The following HAGH variants were observed in gnomAD, a reference collection of about 807,000 sequenced individuals.
The protein encoded by HAGH is hydroxyacylglutathione hydrolase, mitochondrial.
HAGH carries 29 observed loss-of-function variants against 35.1 expected under a neutral mutation model. The observed-to-expected ratio is 0.83, with a 90% CI of 0.62 to 1.13. HAGH has a LOEUF of 1.13. HAGH is among the 50% of genes most tolerant of loss of function. HAGH has a pLI of 0.00. For synonymous variants in HAGH, 225 were observed against 176.1 expected, an observed-to-expected ratio of 1.28 and a Z score of -2.20; for missense variants, 478 against 419.6, an observed-to-expected ratio of 1.14 and a Z score of -1.22.
At chr16:1,824,307 G>A (rs936752391) in intron 1 of HAGH, among the ~76,000 whole-genome samples, 2 of 143,088 alleles carry the variant, frequency 1.4e-5, no homozygotes, top group Non-Finnish European at 1.5e-5. Flanking sequence ...CCTTTGAGAC[G>A]GAAAGTTGGC....
intron 5 of HAGH, 124 bp from the exon 6 acceptor site, chr16:1,817,395 G>A (rs374160060): frequency 3.8e-5 from 26 of 689,594 alleles, no homozygotes; most frequent in Non-Finnish European, 5.0e-5. Context: ...GCTGCCCTCC[G>A]GCCACGGCTG....
At chr16:1,810,245 G>A (rs1370954734) in intron 7 of HAGH, 8 of 178,408 alleles carry the variant, frequency 4.5e-5, no homozygotes, top group East Asian at 3.3e-4. Flanking sequence ...AGAGCCCGGC[G>A]GGTGTGCGCG....
intron 4 of HAGH, 56 bp from the exon 5 acceptor site, chr16:1,819,279 C>G (rs550518212): frequency 1.2e-4 from 143 of 1,158,202 alleles, no homozygotes; most frequent in Non-Finnish European, 1.6e-4. Context: ...AGCCATCTCC[C>G]GGGGTCACGG....
Position 1,817,007 on chromosome 16 carries a change from G to T in HAGH, c.646-13C>A. 1 of 1,576,712 alleles carries T rather than the reference G, an allele frequency of 6.3e-7. No individual in the cohort carries two copies. The highest frequency in any genetic ancestry group is 1.1e-5 in the South Asian group (1 of 90,360). ...CACAGTAGACTCTCTGAGGAGAGAG[G>T]TGACAGGTGAGCTCGGAAGGCTGTT... On this transcript the variant is annotated splice_polypyrimidine_tract_variant and intron_variant, in intron 6 of 8. Coordinates refer to ENST00000397356, the MANE Select transcript of HAGH (RefSeq NM_005326.6).
chr16:1,810,931 T>C (rs1342833927), intron 7 of HAGH: 1 of 152,224 alleles, frequency 6.6e-6, no homozygotes, highest in Non-Finnish European at 1.5e-5. Flanking sequence ...TTCCCTGTGT[T>C]CCCACCAACA....
At position 1,808,425 on chromosome 16, in the gene HAGH, C is replaced by G. The variant is rs1270005388; in HGVS notation, c.*858G>C. The G allele has an allele frequency of 1.3e-5, 2 of 151,978 alleles. No homozygotes were observed. The highest frequency in any genetic ancestry group is 4.8e-5 in the African/African-American group (2 of 41,350). 9.4% of individuals were successfully genotyped at this position (151,978 alleles called of 1,614,324 possible). On this transcript the variant is annotated 3_prime_UTR_variant, in exon 9 of 9. Coordinates refer to ENST00000397356, the MANE Select transcript of HAGH (RefSeq NM_005326.6). ...ACACCATTCTCCTGCCTTAGCCTCCCGAGTAGCCGGGACTACAGGTGTCTG... is the reference window on the plus strand; with the variant it reads ...ACACCATTCTCCTGCCTTAGCCTCCGGAGTAGCCGGGACTACAGGTGTCTG...
intron 1 of HAGH, among the ~76,000 whole-genome samples, chr16:1,824,409 A>C (rs1898301933): frequency 6.6e-6 from 1 of 152,226 alleles, no homozygotes; most frequent in Admixed American, 6.5e-5. Flanking sequence ...AAGGCCCAAG[A>C]GCTGGGAGGA....
chr16:1,824,146 C>T (rs1027161023), intron 1 of HAGH, among the ~76,000 whole-genome samples: 16 of 151,386 alleles, frequency 1.1e-4, no homozygotes, highest in African/African-American at 3.6e-4. Context: ...TGCTTGAATC[C>T]GGGAGGTGAA....
At chr16:1,809,684 C>T (rs974954792) in intron 8 of HAGH, 70 bp downstream of exon 8, 10 of 1,123,166 alleles carry the variant, frequency 8.9e-6, no homozygotes, top group Non-Finnish European at 1.2e-5. Flanking sequence ...TCGGACGTAC[C>T]GGCTGTGTGT....
chr16:1,809,583 A>G, intron 8 of HAGH, 171 bp downstream of exon 8: 1 of 679,670 alleles, frequency 1.5e-6, no homozygotes, highest in Non-Finnish European at 2.6e-6. Context: ...CCAAGGTGCC[A>G]GGAAAGGCCG....
At chr16:1,824,017 C>T (rs918645605) in intron 1 of HAGH, among the ~76,000 whole-genome samples, 10 of 152,128 alleles carry the variant, frequency 6.6e-5, no homozygotes, top group African/African-American at 2.4e-4. Flanking sequence ...GCCATCTGCC[C>T]TCCAGCAAGC....
chr16:1,826,983 G>C, upstream of HAGH: 1 of 635,732 alleles, frequency 1.6e-6, no homozygotes, highest in Non-Finnish European at 2.5e-6. Flanking sequence ...CCGGGAGACG[G>C]GCCTGGGAGC....
intron 8 of HAGH, 49 bp from the exon 9 acceptor site, chr16:1,809,431 G>A (rs1628812): frequency 5.5e-5 from 82 of 1,486,614 alleles, no homozygotes; most frequent in Non-Finnish European, 6.3e-5. Flanking sequence ...CACGCCCACC[G>A]GAGGAGCCAG....
At chr16:1,816,793 G>A (rs1897911337) in intron 7 of HAGH, 100 bp downstream of exon 7, 2 of 745,252 alleles carry the variant, frequency 2.7e-6, no homozygotes, top group Admixed American at 2.0e-5. Flanking sequence ...CTGCTCTCTG[G>A]GCTCAGAGTG....
At chr16:1,821,800 A>AT (rs1898158546) in intron 3 of HAGH, 1 of 152,446 alleles carries the variant, frequency 6.6e-6, no homozygotes, top group Non-Finnish European at 1.5e-5. Flanking sequence ...CGCCCAGTTA[A>AT]TTTTTGTATT....
At chr16:1,816,841 G>A (rs1897912994) in intron 7 of HAGH, 52 bp downstream of exon 7, 3 of 1,138,094 alleles carry the variant, frequency 2.6e-6, no homozygotes, top group Admixed American at 1.7e-5. Context: ...GCTGTGCACA[G>A]CGGCCCTGAG....
chr16:1,827,185 G>A (rs1374845361), upstream of HAGH: 27 of 1,559,348 alleles, frequency 1.7e-5, no homozygotes, highest in East Asian at 2.3e-5. Flanking sequence ...GGATGCCGTA[G>A]GCATCAGCTG....
In HAGH at chr16:1,809,958, G is replaced by T. The variant is rs1332517283; in HGVS notation, c.748-125C>A. ...GCAGATGGATCACTTGAGCCCTGGA[G>T]TTTGAGACCAGCCTGGACAACATGG... On this transcript the variant is annotated intron_variant, in intron 7 of 8. Transcript: ENST00000397356. The T allele has an allele frequency of 5.7e-6, 4 of 707,178 alleles. No individual in the cohort carries two copies. The East Asian group carries it at 7.9e-5, about 14-fold the overall frequency. 43.8% of individuals were successfully genotyped at this position (707,178 alleles called of 1,614,324 possible). A position where few individuals can be genotyped will look rare whatever the true frequency, so the allele number is the denominator to read the frequency against.
intron 1 of HAGH, among the ~76,000 whole-genome samples, chr16:1,826,349 A>G (rs1295146968): frequency 6.7e-6 from 1 of 150,208 alleles, no homozygotes; most frequent in Non-Finnish European, 1.5e-5. Context: ...GGGGTGGGCC[A>G]GGCGTCCCGG....
Sources: allele counts gnomAD v4.1 joint callset (sites outside exome capture counted in the v4.1 genomes callset), GRCh38; gene constraint gnomAD v4.1.1; transcripts MANE v1.5; gene names NCBI Gene and HGNC (gene_info 2026-07-23, HGNC 2026-07-21).